The following HS6ST3 variants were observed in gnomAD, a reference collection of about 807,000 sequenced individuals.
HS6ST3 encodes the protein heparan sulfate 6-O-sulfotransferase 3, also known as heparan-sulfate 6-O-sulfotransferase 3.
Under a neutral mutation model 36.7 loss-of-function variants are expected in HS6ST3, and 12 were observed. The observed-to-expected ratio is 0.33, with a 90% CI of 0.21 to 0.53. The LOEUF is 0.53. HS6ST3 is among the 20% of genes least tolerant of loss of function. HS6ST3 has a pLI of 0.95. For synonymous variants in HS6ST3, 240 were observed against 257.5 expected (o/e 0.93, Z 0.65); for missense variants, 584 against 640.9 (o/e 0.91, Z 0.96).
intron 1 of HS6ST3, among the ~76,000 whole-genome samples, chr13:96,485,482 G>A (rs2055909750): frequency 6.6e-6 from 1 of 152,020 alleles, no homozygotes; most frequent in Non-Finnish European, 1.5e-5. Context: ...GGAGATTTTT[G>A]TTAAATCTTT....
At chr13:96,606,601 G>A (rs746532888) in intron 1 of HS6ST3, among the ~76,000 whole-genome samples, 1 of 68,978 alleles carries the variant, frequency 1.4e-5, no homozygotes, top group Non-Finnish European at 2.5e-5. Context: ...GACAGAGGGA[G>A]GGAGGGAGGG....
intron 1 of HS6ST3, among the ~76,000 whole-genome samples, chr13:96,554,648 C>T (rs143295544): frequency 6.6e-6 from 1 of 152,300 alleles, no homozygotes; most frequent in African/African-American, 2.4e-5. Flanking sequence ...GGAGCTCCTC[C>T]TCTGTGTCAG....
intron 1 of HS6ST3, among the ~76,000 whole-genome samples, chr13:96,561,701 T>C (rs1390596706): frequency 6.6e-6 from 1 of 152,026 alleles, no homozygotes; most frequent in African/African-American, 2.4e-5. Flanking sequence ...AATTACCTCA[T>C]TAAAAAATAA....
chr13:96,270,163 C>T (rs1465589283), intron 1 of HS6ST3, among the ~76,000 whole-genome samples: 1 of 151,822 alleles, frequency 6.6e-6, no homozygotes, highest in East Asian at 1.9e-4. Flanking sequence ...TGTCTCTTTG[C>T]ACTTGAGTGT....
At position 96,348,502 on chromosome 13, in the gene HS6ST3, T is replaced by C. The variant is rs142332019; in HGVS notation, c.707+256933T>C. On this transcript the variant is annotated intron_variant, in intron 1 of 1. Coordinates refer to ENST00000376705, the MANE Select transcript of HS6ST3 (RefSeq NM_153456.4). ...AGCTTTGCGACATAAATGGCAAATA[T>C]GCTTTCAATAGCATTGTTTTTTCCA... is the stretch of plus-strand genomic sequence containing the variant. 7.9e-5 allele frequency among the ~76,000 whole-genome samples: 12 copies of C among 152,360 alleles called. No individual in the cohort carries two copies. In the East Asian group the frequency reaches 2.1e-3, roughly 27 times the overall value.
chr13:96,826,466 AC>A (rs1319302253), intron 1 of HS6ST3, among the ~76,000 whole-genome samples: 18 of 152,224 alleles, frequency 1.2e-4, no homozygotes, highest in Middle Eastern at 6.8e-3. Context: ...AGGTGCTGGG[AC>A]TTTTGCTAGG....
chr13:96,610,918 G>A (rs1399442266), intron 1 of HS6ST3, among the ~76,000 whole-genome samples: 1 of 150,950 alleles, frequency 6.6e-6, no homozygotes, highest in East Asian at 1.9e-4. Flanking sequence ...AGATATACTG[G>A]CATAGCATAG....
intron 1 of HS6ST3, among the ~76,000 whole-genome samples, chr13:96,745,561 C>A (rs1346130585): frequency 6.6e-6 from 1 of 152,046 alleles, no homozygotes; most frequent in East Asian, 1.9e-4. Flanking sequence ...CCGAGAGTAA[C>A]CTCGAGAGAG....
chr13:96,725,042 G>A (rs985913913), intron 1 of HS6ST3, among the ~76,000 whole-genome samples: 25 of 152,054 alleles, frequency 1.6e-4, no homozygotes, highest in Non-Finnish European at 3.4e-4. Context: ...GCATTGTCCC[G>A]GACACTTAGT....
chr13:96,617,776 A>C (rs568967865), intron 1 of HS6ST3, among the ~76,000 whole-genome samples: 10 of 152,336 alleles, frequency 6.6e-5, no homozygotes, highest in Non-Finnish European at 1.3e-4. Context: ...AACTAGAGCC[A>C]TAGAGTGAGA....
intron 1 of HS6ST3, among the ~76,000 whole-genome samples, chr13:96,788,705 A>G (rs186608929): frequency 9.2e-5 from 14 of 151,804 alleles, no homozygotes; most frequent in African/African-American, 3.4e-4. Context: ...TTGAAGTTCT[A>G]TTGTTAGGTG....
chr13:96,091,033 G>T lies in HS6ST3; in HGVS notation c.171G>T (p.Arg57=). The T allele has an allele frequency of 1.6e-6, 2 of 1,247,878 alleles. No individual in the cohort carries two copies. The highest frequency in any genetic ancestry group is 2.0e-6 in the Non-Finnish European group (2 of 995,752). 77.3% of individuals were successfully genotyped at this position (1,247,878 alleles called of 1,614,324 possible). A position where few individuals can be genotyped will look rare whatever the true frequency, so the allele number is the denominator to read the frequency against. Reference sequence around the variant, plus strand: ...CCGCCGTCCCGGGTCCCGCCCGCCGGGCTCAGGCGCCGCCGGAGGAGTGGG... The same window carrying T: ...CCGCCGTCCCGGGTCCCGCCCGCCGTGCTCAGGCGCCGCCGGAGGAGTGGG... ...GPPAVPGPAR[R]AQAPPEEWER... The change falls in exon 1 of 2, where the codon CGG becomes CGT. Residue 57 remains arginine, a synonymous_variant. Transcript: ENST00000376705.
intron 1 of HS6ST3, among the ~76,000 whole-genome samples, chr13:96,698,768 C>G (rs994592085): frequency 6.6e-6 from 1 of 152,068 alleles, no homozygotes; most frequent in Non-Finnish European, 1.5e-5. Context: ...TCATATGGAA[C>G]CAAAAAAGAG....
chr13:96,203,163 G>A (rs1039723493), intron 1 of HS6ST3, among the ~76,000 whole-genome samples: 5 of 152,152 alleles, frequency 3.3e-5, no homozygotes, highest in Non-Finnish European at 5.9e-5. Context: ...CTCCGTTTGC[G>A]CTGCTATAGC....
intron 1 of HS6ST3, among the ~76,000 whole-genome samples, chr13:96,449,200 T>C (rs2055714891): frequency 1.3e-5 from 2 of 152,146 alleles, no homozygotes; most frequent in African/African-American, 4.8e-5. Context: ...GGGCTCAAGC[T>C]ATCCTCCCTC....
chr13:96,799,525 G>A (rs992397491), intron 1 of HS6ST3, among the ~76,000 whole-genome samples: 30 of 151,152 alleles, frequency 2.0e-4, no homozygotes, highest in South Asian at 6.3e-4. Context: ...GTAAACTATC[G>A]CAAGAACAAA....
At chr13:96,244,186 T>C (rs570545898) in intron 1 of HS6ST3, among the ~76,000 whole-genome samples, 1 of 152,298 alleles carries the variant, frequency 6.6e-6, no homozygotes, top group Middle Eastern at 3.4e-3. Context: ...GTTGTAAGAT[T>C]TTTTCTTTTT....
chr13:96,801,228 C>G (rs1000333654), intron 1 of HS6ST3, among the ~76,000 whole-genome samples: 7 of 152,144 alleles, frequency 4.6e-5, no homozygotes, highest in African/African-American at 1.7e-4. Context: ...CTGCCAATCT[C>G]TGGCAATCCC....
intron 1 of HS6ST3, among the ~76,000 whole-genome samples, chr13:96,191,208 T>C (rs1394610750): frequency 6.6e-6 from 1 of 152,220 alleles, no homozygotes; most frequent in Non-Finnish European, 1.5e-5. Context: ...CTGTTTTTTC[T>C]GCCTCTAGAC....
Sources: gnomAD v4.1 joint callset for allele counts (sites outside exome capture counted in the v4.1 genomes callset) on GRCh38, gnomAD v4.1.1 for gene constraint, MANE v1.5 for transcripts, NCBI Gene and HGNC (gene_info 2026-07-23, HGNC 2026-07-21) for gene names.